The following CHST8 variants were observed in gnomAD, a reference collection of about 807,000 sequenced individuals.
CHST8 encodes the protein carbohydrate sulfotransferase 8.
In CHST8, 10 loss-of-function variants were observed where a neutral mutation model predicts 15.0. The ratio of observed to expected loss-of-function variants is 0.67; its 90% CI spans 0.41 to 1.13. The LOEUF is 1.13. Among genes scored for constraint, CHST8 ranks in the 50% most tolerant of loss-of-function variants. The pLI is 0.00. For missense variants in CHST8, 634 were observed against 608.2 expected (o/e 1.04, Z -0.45); for synonymous variants, 259 against 256.6 (o/e 1.01, Z -0.09).
chr19:33,714,203 T>C (rs1474023731), intron 3 of CHST8, among the ~76,000 whole-genome samples: 4 of 152,204 alleles, frequency 2.6e-5, no homozygotes, highest in Non-Finnish European at 5.9e-5. Context: ...CTGCCTTATA[T>C]TTCTTGCAGC....
At chr19:33,695,821 C>CTTTCTTTCTT (rs57718433) in intron 3 of CHST8, among the ~76,000 whole-genome samples, 2,891 of 76,254 alleles carry the variant, frequency 0.038, 96 homozygotes, top group Non-Finnish European at 0.053. Flanking sequence ...TTCTTTCTTT[C>CTTTCTTTCTT]TTTTTTTTTT....
At chr19:33,683,765 G>A (rs751764768) in intron 2 of CHST8, among the ~76,000 whole-genome samples, 1 of 152,176 alleles carries the variant, frequency 6.6e-6, no homozygotes, top group Non-Finnish European at 1.5e-5. Flanking sequence ...GCCTCGATGC[G>A]ATTCCCGATT....
At chr19:33,668,838 G>A (rs920418472) in intron 2 of CHST8, among the ~76,000 whole-genome samples, 9 of 152,032 alleles carry the variant, frequency 5.9e-5, no homozygotes, top group South Asian at 2.1e-4. Flanking sequence ...ACTCTCGTGC[G>A]TGTGTGTCGC....
At chr19:33,711,939 T>C (rs2145294895) in intron 3 of CHST8, among the ~76,000 whole-genome samples, 1 of 152,296 alleles carries the variant, frequency 6.6e-6, no homozygotes, top group South Asian at 2.1e-4. Context: ...AGCCAATATT[T>C]ACTTTAAAAA....
chr19:33,689,165 C>G lies in CHST8; in HGVS notation c.-86-11C>G, dbSNP rs892947767. On this transcript the variant is annotated splice_polypyrimidine_tract_variant and intron_variant, in intron 2 of 4. Transcript: ENST00000650847. ...CGCCTCGGTGATGACTATCCCTCCT[C>G]TGCCCCGTAGATCTCGGCCTGATGG... 1.4e-6 allele frequency: 2 copies of G among 1,413,094 alleles called. No homozygotes were observed. Among genetic ancestry groups the G allele is most frequent in the East Asian group, 5.3e-5 (2 of 37,982 alleles). 87.5% of individuals were successfully genotyped at this position (1,413,094 alleles called of 1,614,324 possible).
At chr19:33,722,731 C>T (rs1359793101) in intron 3 of CHST8, among the ~76,000 whole-genome samples, 1 of 152,132 alleles carries the variant, frequency 6.6e-6, no homozygotes, top group Non-Finnish European at 1.5e-5. Flanking sequence ...GCGTAACTCC[C>T]ATCACGGGCC....
intron 1 of CHST8, among the ~76,000 whole-genome samples, chr19:33,626,579 T>C (rs1972056327): frequency 6.6e-6 from 1 of 152,180 alleles, no homozygotes; most frequent in Non-Finnish European, 1.5e-5. Context: ...GAGTGAGTTC[T>C]TGCTCTATTA....
chr19:33,749,998 C>A (rs1378844199), intron 3 of CHST8, among the ~76,000 whole-genome samples: 1 of 152,208 alleles, frequency 6.6e-6, no homozygotes, highest in Non-Finnish European at 1.5e-5. Flanking sequence ...GCCTGGCGCC[C>A]CAGCTAGGTG....
intron 1 of CHST8, among the ~76,000 whole-genome samples, chr19:33,627,814 C>T (rs1972075310): frequency 6.6e-6 from 1 of 152,172 alleles, no homozygotes; most frequent in South Asian, 2.1e-4. Flanking sequence ...GTGTCTTGCA[C>T]TGTACCAGGC....
chr19:33,651,504 A>G (rs7247608), intron 1 of CHST8, among the ~76,000 whole-genome samples: 2,474 of 152,262 alleles, frequency 0.016, 57 homozygotes, highest in African/African-American at 0.05. Context: ...CCATGTTAAT[A>G]TTTATAATAT....
chr19:33,705,919 G>A (rs1261513439), intron 3 of CHST8, among the ~76,000 whole-genome samples: 2 of 152,198 alleles, frequency 1.3e-5, no homozygotes, highest in South Asian at 2.1e-4. Context: ...AATGATGATG[G>A]TGTGAGCACT....
At chr19:33,733,468 C>T (rs567564476) in intron 3 of CHST8, among the ~76,000 whole-genome samples, 2 of 152,278 alleles carry the variant, frequency 1.3e-5, no homozygotes, top group East Asian at 3.9e-4. Context: ...GTCCTGAACT[C>T]AGGTAATCTA....
At chr19:33,762,677 A>G (rs921271592) in intron 3 of CHST8, among the ~76,000 whole-genome samples, 5 of 152,204 alleles carry the variant, frequency 3.3e-5, no homozygotes, top group African/African-American at 1.2e-4. Flanking sequence ...CTTTCAACCA[A>G]TGGGCTCTGG....
chr19:33,681,581 C>T (rs1416631127), intron 2 of CHST8, among the ~76,000 whole-genome samples: 1 of 152,174 alleles, frequency 6.6e-6, no homozygotes, highest in Non-Finnish European at 1.5e-5. Flanking sequence ...CTGAAGCCTA[C>T]CTGGCATGCT....
rs189098702 is a variant in CHST8, at chr19:33,738,915, G to A, written c.131-32498G>A. 5.6e-3 allele frequency among the ~76,000 whole-genome samples: 847 copies of A among 152,208 alleles called. 8 individuals carry two copies. Among genetic ancestry groups the A allele is most frequent in the Non-Finnish European group, 8.7e-3 (595 of 68,016 alleles). ...GGAGTCCAAGATTTTTAGCAAGTGT[G>A]CATACTGTTCTGTGGCTAGAGAGGG... is the stretch of plus-strand genomic sequence containing the variant. On this transcript the variant is annotated intron_variant, in intron 3 of 4. Coordinates refer to ENST00000650847, the MANE Select transcript of CHST8 (RefSeq NM_001127895.2).
chr19:33,760,158 C>G (rs748354885), intron 3 of CHST8, among the ~76,000 whole-genome samples: 3 of 152,048 alleles, frequency 2.0e-5, no homozygotes, highest in Non-Finnish European at 4.4e-5. Context: ...TTCAAAATAA[C>G]TCCACACCCT....
chr19:33,753,026 T>C lies in CHST8; in HGVS notation c.131-18387T>C, dbSNP rs117171876. On this transcript the variant is annotated intron_variant, in intron 3 of 4. Coordinates refer to ENST00000650847, the MANE Select transcript of CHST8 (RefSeq NM_001127895.2). ...TCGGTGGAGAAAGAAGCCACAGCCT[T>C]CCCTGCAGCCAGGGGGGTGCACTGG... Among the ~76,000 whole-genome samples the C allele has an allele frequency of 3.7e-4, 57 of 152,250 alleles. 1 individual carries two copies. In the East Asian group the frequency reaches 8.3e-3, roughly 22 times the overall value.
intron 3 of CHST8, among the ~76,000 whole-genome samples, chr19:33,706,654 C>T (rs1394020115): frequency 6.6e-6 from 1 of 152,166 alleles, no homozygotes; most frequent in Non-Finnish European, 1.5e-5. Flanking sequence ...TTATTGTAAC[C>T]CCTTGCCCAC....
chr19:33,754,517 G>A (rs1974505489), intron 3 of CHST8, among the ~76,000 whole-genome samples: 1 of 152,106 alleles, frequency 6.6e-6, no homozygotes, highest in African/African-American at 2.4e-5. Context: ...CTCTGTTTTT[G>A]GTTTGATCCA....
Sources: allele counts gnomAD v4.1 joint callset (sites outside exome capture counted in the v4.1 genomes callset), GRCh38; gene constraint gnomAD v4.1.1; transcripts MANE v1.5; gene names NCBI Gene and HGNC (gene_info 2026-07-23, HGNC 2026-07-21).